CAPN2: variants seen among roughly 807,000 people sequenced by gnomAD.
CAPN2 encodes the protein calpain-2 catalytic subunit.
A neutral mutation model predicts 102.3 loss-of-function variants in CAPN2; 92 were observed. The observed-to-expected ratio is 0.90, with a 90% CI of 0.76 to 1.07. The LOEUF is 1.07. Ranked by LOEUF, CAPN2 falls within the 50% of genes least tolerant of loss-of-function variation. The pLI is 0.00. For missense variants in CAPN2, 800 were observed against 909.4 expected (o/e 0.88, Z 1.55); for synonymous variants, 340 against 355.4 (o/e 0.96, Z 0.49).
At chr1:223,712,939 G>A (rs1659778901) in intron 1 of CAPN2, 62 bp downstream of exon 1, 1 of 1,193,592 alleles carries the variant, frequency 8.4e-7, no homozygotes, top group East Asian at 3.3e-5. Context: ...GGTGCAGGCC[G>A]GCCCGCGGCG....
In CAPN2 at chr1:223,775,127, T is replaced by C; in HGVS notation, c.*270T>C. The C allele has an allele frequency of 4.5e-6, 2 of 441,024 alleles. No individual in the cohort carries two copies. Among genetic ancestry groups the C allele is most frequent in the South Asian group, 4.0e-5 (1 of 25,224 alleles). 27.3% of individuals were successfully genotyped at this position (441,024 alleles called of 1,614,324 possible). Reference sequence around the variant, plus strand: ...GAAAGCTTTAAATCTGTAAATAGTATACACTTTTTACTTTTACACACTTTC... The same window carrying C: ...GAAAGCTTTAAATCTGTAAATAGTACACACTTTTTACTTTTACACACTTTC... On this transcript the variant is annotated 3_prime_UTR_variant, in exon 21 of 21. Transcript: ENST00000295006.
intron 6 of CAPN2, among the ~76,000 whole-genome samples, chr1:223,749,946 G>A (rs1660845074): frequency 6.6e-6 from 1 of 152,114 alleles, no homozygotes; most frequent in Non-Finnish European, 1.5e-5. Flanking sequence ...GGAGGTCGAG[G>A]CTGTAGTGAG....
chr1:223,747,163 G>A lies in CAPN2; in HGVS notation c.727G>A (p.Asp243Asn), dbSNP rs747935113. The change falls in exon 5 of 21, where the codon GAC (aspartate) becomes AAC (asparagine). Residue 243 changes from aspartate to asparagine, a missense_variant and splice_region_variant. Transcript: ENST00000295006. Reference sequence around the variant, plus strand: ...AGGCTCTCTCCTTGGCTGCTCCATCGACGTAAGTCCAGGCTGCCTTCCCTA... The same window carrying A: ...AGGCTCTCTCCTTGGCTGCTCCATCAACGTAAGTCCAGGCTGCCTTCCCTA... ...QKGSLLGCSI[D>N]ITSAADSEAI... The A allele has an allele frequency of 6.2e-6, 10 of 1,611,712 alleles. No individual in the cohort carries two copies. Among genetic ancestry groups the A allele is most frequent in the South Asian group, 3.3e-5 (3 of 90,642 alleles).
At position 223,745,377 on chromosome 1, in the gene CAPN2, C is replaced by T. The variant is rs17598; in HGVS notation, c.498C>T (p.Leu166=). 199,906 of 1,613,942 alleles carry T rather than the reference C, an allele frequency of 0.12. 21,483 individuals are homozygous for T. Among genetic ancestry groups the T allele is most frequent in the African/African-American group, 0.56 (41,827 of 74,926 alleles). ...DRLPTKDGEL[L]FVHSAEGSEF... ...TGCCCACCAAGGACGGGGAGCTGCT[C>T]TTTGTGCATTCAGCCGAAGGGAGCG... The change falls in exon 4 of 21, where the codon CTC becomes CTT. Residue 166 remains leucine (L), a synonymous_variant. Coordinates refer to ENST00000295006, the MANE Select transcript of CAPN2 (RefSeq NM_001748.5).
chr1:223,770,396 T>C, intron 17 of CAPN2, 51 bp from the exon 18 acceptor site: 1 of 1,329,088 alleles, frequency 7.5e-7, no homozygotes, highest in South Asian at 1.2e-5. Flanking sequence ...GGAGGTAACT[T>C]GCCAGCTTTG....
chr1:223,774,743 A>T (rs1661569899), intron 20 of CAPN2, 91 bp from the exon 21 acceptor site: 7 of 1,140,054 alleles, frequency 6.1e-6, no homozygotes, highest in Non-Finnish European at 9.2e-6. Context: ...CTTTTCCAGT[A>T]CAAGTTTTTT....
intron 20 of CAPN2, 136 bp downstream of exon 20, chr1:223,772,375 G>A (rs1483910353): frequency 1.8e-5 from 12 of 658,254 alleles, no homozygotes; most frequent in Admixed American, 1.3e-4. Flanking sequence ...GCCTGTAACC[G>A]GTTGTAAGAT....
At chr1:223,738,890 C>T (rs974458367) in intron 2 of CAPN2, among the ~76,000 whole-genome samples, 13 of 152,250 alleles carry the variant, frequency 8.5e-5, no homozygotes. Context: ...CCGAGCCACG[C>T]TCTCAGAGAA....
chr1:223,748,910 C>A lies in CAPN2; in HGVS notation c.730-129C>A, dbSNP rs1660816887. 3.8e-6 allele frequency: 3 copies of A among 796,866 alleles called. No homozygotes were observed. The Admixed American group carries it at 6.0e-5, about 16-fold the overall frequency. 49.4% of individuals were successfully genotyped at this position (796,866 alleles called of 1,614,324 possible). A position where few individuals can be genotyped will look rare whatever the true frequency, so the allele number is the denominator to read the frequency against. On this transcript the variant is annotated intron_variant, in intron 5 of 20. Coordinates refer to ENST00000295006, the MANE Select transcript of CAPN2 (RefSeq NM_001748.5). Reference sequence around the variant, plus strand: ...GCAAGAAAGCGCAGCCCTGAGCCTCCCACCCCAGGCCTCGGCCGCTGCGCT... The same window carrying A: ...GCAAGAAAGCGCAGCCCTGAGCCTCACACCCCAGGCCTCGGCCGCTGCGCT...
intron 1 of CAPN2, among the ~76,000 whole-genome samples, chr1:223,703,201 T>C (rs1437654591): frequency 1.3e-5 from 2 of 152,328 alleles, no homozygotes; most frequent in Admixed American, 1.3e-4. Flanking sequence ...GGGTGACTCA[T>C]TGAGTATCTT....
chr1:223,740,071 G>A (rs1476505066), intron 2 of CAPN2, among the ~76,000 whole-genome samples: 1 of 152,172 alleles, frequency 6.6e-6, no homozygotes, highest in Non-Finnish European at 1.5e-5. Flanking sequence ...CCTTGATGGG[G>A]ACAGCCAAGG....
At chr1:223,772,535 G>A in intron 20 of CAPN2, 1 of 376,382 alleles carries the variant, frequency 2.7e-6, no homozygotes, top group East Asian at 4.1e-5. Flanking sequence ...TTAGAAAAAT[G>A]AACTCCTGAT....
Position 223,755,528 on chromosome 1 carries a change from A to G in CAPN2, c.1184A>G (p.Asp395Gly). The change falls in exon 10 of 21, where the codon GAT (aspartate) becomes GGT (glycine). Residue 395 changes from aspartate (D) to glycine (G), a missense_variant. Asp to Gly is a moderately conservative substitution (Grantham distance 94). Coordinates refer to ENST00000295006, the MANE Select transcript of CAPN2 (RefSeq NM_001748.5). This position sits in a 1 kb window ranked among gnomAD's most constrained non-coding sequence, Gnocchi z 4.1. The stretch of plus-strand genomic sequence containing the variant: ...TACCTGATCAAGCTGGAGGAGGAGG[A>G]TGAGGACGAGGAGGATGGGGAGAGC... ...PQYLIKLEEEDEDEEDGESGC... is the reference protein window; with the variant it reads ...PQYLIKLEEEGEDEEDGESGC... 6.2e-7 allele frequency: 1 copy of G among 1,613,766 alleles called. No individual in the cohort carries two copies. Among genetic ancestry groups the G allele is most frequent in the Non-Finnish European group, 8.5e-7 (1 of 1,180,004 alleles).
At chr1:223,720,756 CTG>C (rs1660030259) in intron 2 of CAPN2, among the ~76,000 whole-genome samples, 1 of 152,090 alleles carries the variant, frequency 6.6e-6, no homozygotes, top group African/African-American at 2.4e-5. Context: ...TCTCACCTCA[CTG>C]TACAGATAAA....
chr1:223,748,952 C>T (rs1463735303), intron 5 of CAPN2, 87 bp from the exon 6 acceptor site: 2 of 1,290,892 alleles, frequency 1.5e-6, no homozygotes, highest in Non-Finnish European at 2.2e-6. Context: ...TCCGGCGGTC[C>T]CGCCCGGCAG....
intron 6 of CAPN2, among the ~76,000 whole-genome samples, chr1:223,750,571 TGAG>T: frequency 6.6e-6 from 1 of 152,366 alleles, no homozygotes; most frequent in South Asian, 2.1e-4. Flanking sequence ...AAAGCTTCTC[TGAG>T]CTCCTTTACC....
chr1:223,738,812 C>G (rs962191510), intron 2 of CAPN2, among the ~76,000 whole-genome samples: 3 of 152,258 alleles, frequency 2.0e-5, no homozygotes, highest in African/African-American at 7.2e-5. Context: ...TTGTCAGATT[C>G]TAGCAGTGAA....
At chr1:223,737,871 C>T (rs1049938705) in intron 2 of CAPN2, among the ~76,000 whole-genome samples, 2 of 151,980 alleles carry the variant, frequency 1.3e-5, no homozygotes, top group African/African-American at 4.8e-5. Context: ...TACAGATGGG[C>T]CCTATACTTA....
chr1:223,757,553 T>G, intron 11 of CAPN2, 173 bp downstream of exon 11: 1 of 671,912 alleles, frequency 1.5e-6, no homozygotes, highest in South Asian at 1.8e-5. Context: ...ATCCCACTGG[T>G]CTAAGCTCTG....
Sources: allele counts gnomAD v4.1 joint callset (sites outside exome capture counted in the v4.1 genomes callset), GRCh38; gene constraint gnomAD v4.1.1; non-coding constraint Gnocchi (gnomAD v3.1); transcripts MANE v1.5; gene names NCBI Gene and HGNC (gene_info 2026-07-23, HGNC 2026-07-21).